Variants in PTPRD observed in about 807,000 individuals in gnomAD.
PTPRD encodes the protein receptor-type tyrosine-protein phosphatase delta.
A neutral mutation model predicts 214.5 loss-of-function variants in PTPRD; 34 were observed. The observed-to-expected ratio is 0.16, with a 90% confidence interval of 0.12 to 0.21. The LOEUF (loss-of-function observed/expected upper bound fraction) is 0.21. Among genes scored for constraint, PTPRD ranks in the 10% least tolerant of loss-of-function variants. PTPRD has a pLI of 1.00. For synonymous variants in PTPRD, 1,128 were observed against 845.7 expected (o/e 1.33, Z -5.79); for missense variants, 2,545 against 2,398.7 (o/e 1.06, Z -1.27).
At chr9:9,867,752 G>C (rs2064345207) in intron 5 of PTPRD, among the ~76,000 whole-genome samples, 1 of 152,060 alleles carries the variant, frequency 6.6e-6, no homozygotes, top group Non-Finnish European at 1.5e-5. Flanking sequence ...TATGGAGTTG[G>C]CAGGCAAGTA....
At chr9:9,692,174 G>GCACTAAATCTCATCTT (rs1564574261) in intron 7 of PTPRD, among the ~76,000 whole-genome samples, 1 of 151,174 alleles carries the variant, frequency 6.6e-6, no homozygotes, top group African/African-American at 2.5e-5. Flanking sequence ...TATGCTTGTG[G>GCACTAAATCTCATCTT]GATATTCATG....
chr9:10,142,571 T>G (rs1442822192), intron 3 of PTPRD, among the ~76,000 whole-genome samples: 1 of 151,500 alleles, frequency 6.6e-6, no homozygotes, highest in Non-Finnish European at 1.5e-5. Context: ...AAAACCACAA[T>G]GAGATACCAT....
intron 12 of PTPRD, among the ~76,000 whole-genome samples, chr9:8,721,212 T>C (rs949574298): frequency 6.6e-6 from 1 of 152,014 alleles, no homozygotes; most frequent in Non-Finnish European, 1.5e-5. Context: ...GGGGATCATC[T>C]GAGGTCAGGA....
At position 10,389,044 on chromosome 9, in the gene PTPRD, C is replaced by T. The variant is rs138567618; in HGVS notation, c.-599-48027G>A. Among the ~76,000 whole-genome samples the T allele has an allele frequency of 1.4e-3, 210 of 151,734 alleles. 1 individual carries two copies. Among genetic ancestry groups the T allele is most frequent in the African/African-American group, 4.7e-3 (194 of 41,426 alleles). Reference sequence around the variant, plus strand: ...GAGTAATCATTTGTTGTGATTTTGGCCCATATGTTTATGTCAGAGAAATGG... The same window carrying T: ...GAGTAATCATTTGTTGTGATTTTGGTCCATATGTTTATGTCAGAGAAATGG... On this transcript the variant is annotated intron_variant, in intron 2 of 45. Transcript: ENST00000381196.
intron 6 of PTPRD, among the ~76,000 whole-genome samples, chr9:9,754,528 A>C (rs578097665): frequency 2.4e-4 from 36 of 152,194 alleles, no homozygotes; most frequent in African/African-American, 8.7e-4. Flanking sequence ...AATATTTGGC[A>C]AAAAATGCAT....
chr9:9,086,201 T>C (rs1020840367), intron 10 of PTPRD, among the ~76,000 whole-genome samples: 1 of 152,224 alleles, frequency 6.6e-6, no homozygotes, highest in African/African-American at 2.4e-5. Context: ...TTTGAAAATA[T>C]TCTAAATCTA....
intron 2 of PTPRD, among the ~76,000 whole-genome samples, chr9:10,530,570 G>T (rs770465151): frequency 1.3e-5 from 2 of 152,068 alleles, no homozygotes; most frequent in Non-Finnish European, 2.9e-5. Flanking sequence ...CTGATTCAGG[G>T]AAAGCATACA....
Position 10,047,337 on chromosome 9 carries a change from T to TGTGTGTGTGTGTGCGC in PTPRD, c.-544-13548_-544-13547insGCGCACACACACACAC, listed in dbSNP as rs1491445418. ...CTGTGTGTGTGTGTGTGTGTGTGTGTGCGTGTGTGTGTGTGCTTGTGTGAT... is the reference window on the plus strand; with the variant it reads ...CTGTGTGTGTGTGTGTGTGTGTGTGTGTGTGTGTGTGTGCGCGCGTGTGTGTGTGTGCTTGTGTGAT... On this transcript the variant is annotated intron_variant, in intron 3 of 45. Transcript: ENST00000381196. 2.5e-4 allele frequency among the ~76,000 whole-genome samples: 36 copies of TGTGTGTGTGTGTGCGC among 144,284 alleles called. No individual in the cohort carries two copies. The South Asian group carries it at 2.9e-3, about 12-fold the overall frequency. The allele number at this position is 144,284 out of a possible 152,430, so 94.7% of individuals were successfully genotyped here.
intron 37 of PTPRD, among the ~76,000 whole-genome samples, chr9:8,378,716 G>C (rs2084007083): frequency 6.6e-6 from 1 of 151,942 alleles, no homozygotes; most frequent in Non-Finnish European, 1.5e-5. Flanking sequence ...GCAACAAAAT[G>C]ATCTATACAG....
chr9:10,068,072 A>T (rs1419423330), intron 3 of PTPRD, among the ~76,000 whole-genome samples: 1 of 151,816 alleles, frequency 6.6e-6, no homozygotes, highest in African/African-American at 2.4e-5. Context: ...CAGTTCTGGT[A>T]AAAAAATAAT....
chr9:8,470,654 T>G (rs529975632), intron 31 of PTPRD, among the ~76,000 whole-genome samples: 1 of 152,124 alleles, frequency 6.6e-6, no homozygotes, highest in Non-Finnish European at 1.5e-5. Flanking sequence ...AAGGGGACCT[T>G]GGGATTTATA....
intron 8 of PTPRD, among the ~76,000 whole-genome samples, chr9:9,521,789 T>C (rs1294282525): frequency 2.6e-5 from 4 of 152,174 alleles, no homozygotes; most frequent in Non-Finnish European, 5.9e-5. Context: ...TGCTATTCTG[T>C]GGTACTAATT....
Position 8,485,903 on chromosome 9 carries a change from T to A in PTPRD, c.2914A>T (p.Ile972Phe). The A allele has an allele frequency of 6.2e-7, 1 of 1,614,152 alleles. No individual in the cohort carries two copies. The highest frequency in any genetic ancestry group is 1.3e-5 in the African/African-American group (1 of 75,040). ...NIPLLPMEQL[I>F]VPADTTMTLT... is the part of the protein sequence containing the mutation. ...GTCATAGTGGTGTCAGCTGGAACAATAAGCTGCTCCATCGGGAGAAGGGGG... is the reference window on the plus strand; with the variant it reads ...GTCATAGTGGTGTCAGCTGGAACAAAAAGCTGCTCCATCGGGAGAAGGGGG... Residue 972 changes from isoleucine (I) to phenylalanine (F), a missense_variant, in exon 28 of 46, where the codon ATT becomes TTT. Coordinates refer to ENST00000381196, the MANE Select transcript of PTPRD (RefSeq NM_002839.4).
intron 8 of PTPRD, among the ~76,000 whole-genome samples, chr9:9,550,588 G>A (rs186296157): frequency 1.4e-3 from 206 of 149,826 alleles, no homozygotes; most frequent in African/African-American, 4.4e-3. Context: ...TTATCCTATT[G>A]GTTCTGTTGC....
chr9:9,296,260 A>G (rs530638243), intron 9 of PTPRD, among the ~76,000 whole-genome samples: 1 of 151,866 alleles, frequency 6.6e-6, no homozygotes, highest in East Asian at 2.0e-4. Context: ...TTTTGACTTT[A>G]TATCTCCTTG....
In PTPRD at chr9:9,392,308, CAA is replaced by C. The variant is rs2066142917; in HGVS notation, c.-203+5139_-203+5140del. ...TTGGGTCATAAACCTGCTTACAATG[CAA>C]AGTTATTCACAACCTCAAAATGAGA... On this transcript the variant is annotated intron_variant, in intron 9 of 45. Transcript: ENST00000381196. 2.0e-5 allele frequency among the ~76,000 whole-genome samples: 3 copies of C among 152,252 alleles called. No individual in the cohort carries two copies. In the South Asian group the frequency reaches 6.2e-4, roughly 32 times the overall value.
intron 5 of PTPRD, among the ~76,000 whole-genome samples, chr9:9,892,752 A>C (rs1409536320): frequency 1.3e-5 from 2 of 151,944 alleles, no homozygotes; most frequent in Non-Finnish European, 2.9e-5. Flanking sequence ...GGTAAAAAAA[A>C]AAAAATTGTG....
intron 12 of PTPRD, among the ~76,000 whole-genome samples, chr9:8,709,514 C>CAAAAAAAAAAAAAAAAAA (rs758112672): frequency 3.6e-5 from 2 of 56,230 alleles, no homozygotes; most frequent in East Asian, 4.8e-4. Context: ...GACTCCATCT[C>CAAAAAAAAAAAAAAAAAA]AAAAAAAAAA....
intron 3 of PTPRD, among the ~76,000 whole-genome samples, chr9:10,035,929 T>G (rs2097172761): frequency 6.6e-6 from 1 of 152,106 alleles, no homozygotes; most frequent in African/African-American, 2.4e-5. Flanking sequence ...ATCTATATCT[T>G]CATTTGTTTG....
Sources: gnomAD v4.1 joint callset for allele counts (sites outside exome capture counted in the v4.1 genomes callset) on GRCh38, gnomAD v4.1.1 for gene constraint, MANE v1.5 for transcripts, NCBI Gene and HGNC (gene_info 2026-07-23, HGNC 2026-07-21) for gene names.